Variants in MCF2L2 observed in about 807,000 individuals in gnomAD.
MCF2L2 encodes probable guanine nucleotide exchange factor MCF2L2.
A neutral mutation model predicts 150.2 loss-of-function variants in MCF2L2; 102 were observed. That is an observed-to-expected ratio of 0.68 (90% CI 0.58 to 0.80). The LOEUF is 0.80. Among genes scored for constraint, MCF2L2 ranks in the 30% least tolerant of loss-of-function variants. The pLI, the probability that MCF2L2 is intolerant of heterozygous loss-of-function variation, is 0.00. For missense variants in MCF2L2, 1,256 were observed against 1,372.8 expected (o/e 0.91, Z 1.34); for synonymous variants, 465 against 491.3 (o/e 0.95, Z 0.71).
chr3:183,359,956 TG>T (rs936184655), intron 3 of MCF2L2, among the ~76,000 whole-genome samples: 109 of 152,242 alleles, frequency 7.2e-4, no homozygotes, highest in African/African-American at 2.6e-3. Context: ...CTGGAAAACG[TG>T]GGTATTGAAA....
chr3:183,418,155 T>C (rs1033079267), intron 1 of MCF2L2, among the ~76,000 whole-genome samples: 3 of 152,138 alleles, frequency 2.0e-5, no homozygotes, highest in African/African-American at 7.2e-5. Context: ...GCCACTCCAC[T>C]ACAGCCTGGG....
intron 3 of MCF2L2, among the ~76,000 whole-genome samples, chr3:183,348,045 T>C (rs778398217): frequency 2.0e-4 from 30 of 152,116 alleles, no homozygotes; most frequent in Non-Finnish European, 3.8e-4. Flanking sequence ...GCAATCCCAT[T>C]ACCGGGTATA....
intron 15 of MCF2L2, among the ~76,000 whole-genome samples, chr3:183,258,791 G>A (rs1157336717): frequency 6.6e-6 from 1 of 151,914 alleles, no homozygotes; most frequent in Non-Finnish European, 1.5e-5. Flanking sequence ...CCAGGCTAGA[G>A]TGCAGAGGCA....
intron 1 of MCF2L2, among the ~76,000 whole-genome samples, chr3:183,408,100 T>C (rs1222587147): frequency 2.0e-5 from 3 of 148,844 alleles, no homozygotes; most frequent in African/African-American, 7.7e-5. Context: ...CTTCGGAAAA[T>C]TACCTTGTCC....
chr3:183,304,649 T>C (rs1020686896), intron 10 of MCF2L2, among the ~76,000 whole-genome samples: 6 of 150,734 alleles, frequency 4.0e-5, no homozygotes, highest in Non-Finnish European at 7.4e-5. Context: ...TTTTTTTTAA[T>C]TTTTAGCAGA....
chr3:183,373,542 T>C (rs2314348), intron 3 of MCF2L2: 48,442 of 151,936 alleles, frequency 0.32, 11,770 homozygotes, highest in African/African-American at 0.68. Context: ...GATTCCAGGT[T>C]TTCTTCTTCA....
intron 22 of MCF2L2, among the ~76,000 whole-genome samples, chr3:183,213,513 T>A (rs1487274887): frequency 6.6e-6 from 1 of 152,104 alleles, no homozygotes; most frequent in Non-Finnish European, 1.5e-5. Flanking sequence ...ATATTAAATT[T>A]CAAGCAGAGA....
intron 5 of MCF2L2, among the ~76,000 whole-genome samples, chr3:183,334,749 C>T (rs775915491): frequency 1.6e-4 from 24 of 146,010 alleles, no homozygotes; most frequent in Admixed American, 5.6e-4. Context: ...GCTGAGATTG[C>T]GCCATTGCAC....
chr3:183,428,482 G>A lies in MCF2L2; in HGVS notation c.-505C>T, dbSNP rs1300646887. 1 of 156,152 alleles carries A rather than the reference G, an allele frequency of 6.4e-6. No individual in the cohort carries two copies. The highest frequency in any genetic ancestry group is 1.4e-5 in the Non-Finnish European group (1 of 71,120). The allele number at this position is 156,152 out of a possible 1,614,324, so 9.7% of individuals were successfully genotyped here. On this transcript the variant is annotated 5_prime_UTR_variant, in exon 1 of 30. Transcript: ENST00000328913. This position sits in a 1 kb window ranked among gnomAD's most constrained non-coding sequence, Gnocchi z 5.1. The stretch of plus-strand genomic sequence containing the variant: ...ACGGGTGGCGCCCGGGGCTCTCGGG[G>A]AGGCACGCACGCTCCCAAGCGCCGC...
intron 3 of MCF2L2, among the ~76,000 whole-genome samples, chr3:183,352,031 G>T (rs927955551): frequency 5.9e-5 from 9 of 152,174 alleles, no homozygotes; most frequent in Admixed American, 6.5e-5. Flanking sequence ...TGGAAGATAT[G>T]ATAAGATACA....
chr3:183,387,734 A>G (rs1282840019), intron 2 of MCF2L2, among the ~76,000 whole-genome samples: 1 of 151,980 alleles, frequency 6.6e-6, no homozygotes, highest in East Asian at 1.9e-4. Flanking sequence ...GGAGTTCGAG[A>G]CCAGCCTGGC....
At chr3:183,296,702 C>T (rs1334070205) in intron 12 of MCF2L2, 1 of 311,486 alleles carries the variant, frequency 3.2e-6, no homozygotes, top group Non-Finnish European at 6.0e-6. Context: ...TTTTAATCAT[C>T]ATGGTATCCT....
At chr3:183,254,446 T>G (rs1456721993) in intron 15 of MCF2L2, among the ~76,000 whole-genome samples, 1 of 151,914 alleles carries the variant, frequency 6.6e-6, no homozygotes, top group Middle Eastern at 3.2e-3. Flanking sequence ...CCCTCCGGCC[T>G]GCCCGCGCGG....
chr3:183,311,590 G>T, intron 8 of MCF2L2, 58 bp downstream of exon 8: 2 of 1,598,924 alleles, frequency 1.3e-6, no homozygotes, highest in South Asian at 2.2e-5. Context: ...GGTTGCTCCA[G>T]AACATCTAGG....
chr3:183,190,384 C>G (rs1333488096), intron 27 of MCF2L2, among the ~76,000 whole-genome samples: 1 of 152,162 alleles, frequency 6.6e-6, no homozygotes, highest in Non-Finnish European at 1.5e-5. Flanking sequence ...ATTCTGGGAC[C>G]CCTCCTGCTA....
intron 3 of MCF2L2, among the ~76,000 whole-genome samples, chr3:183,351,005 A>G (rs1731093960): frequency 6.6e-6 from 1 of 151,182 alleles, no homozygotes; most frequent in Non-Finnish European, 1.5e-5. Context: ...GTAACACTAT[A>G]CTCCTTCATT....
At chr3:183,393,566 G>C (rs1207258257) in intron 1 of MCF2L2, among the ~76,000 whole-genome samples, 3 of 152,080 alleles carry the variant, frequency 2.0e-5, no homozygotes, top group Non-Finnish European at 4.4e-5. Context: ...TTCTATCCTG[G>C]GCAAACAAAT....
chr3:183,359,165 G>GACA (rs1711973920), intron 3 of MCF2L2, among the ~76,000 whole-genome samples: 1 of 152,182 alleles, frequency 6.6e-6, no homozygotes. Context: ...CCCCCAGAAA[G>GACA]ACATTGACTG....
intron 5 of MCF2L2, among the ~76,000 whole-genome samples, chr3:183,338,031 C>T (rs1320554151): frequency 6.6e-6 from 1 of 152,036 alleles, no homozygotes. Context: ...GGATTTATGT[C>T]ACCCCTATAT....
Sources: allele counts gnomAD v4.1 joint callset (sites outside exome capture counted in the v4.1 genomes callset), GRCh38; gene constraint gnomAD v4.1.1; non-coding constraint Gnocchi (gnomAD v3.1); transcripts MANE v1.5; gene names NCBI Gene and HGNC (gene_info 2026-07-23, HGNC 2026-07-21).